FMN1: variants seen among roughly 807,000 people sequenced by gnomAD.
The protein encoded by FMN1 is formin-1.
In FMN1, 110 loss-of-function variants were observed where a neutral mutation model predicts 132.4. That is an observed-to-expected ratio of 0.83 (90% CI 0.71 to 0.97). The LOEUF (loss-of-function observed/expected upper bound fraction) is 0.97. Among genes scored for constraint, FMN1 ranks in the 50% least tolerant of loss-of-function variants. FMN1 has a pLI of 0.00. For synonymous variants in FMN1, 722 were observed against 651.7 expected (o/e 1.11, Z -1.64); for missense variants, 1,792 against 1,705.3 (o/e 1.05, Z -0.90).
intron 5 of FMN1, among the ~76,000 whole-genome samples, chr15:33,087,949 T>A (rs1001900509): frequency 1.3e-5 from 2 of 152,116 alleles, no homozygotes; most frequent in Non-Finnish European, 2.9e-5. Context: ...CTAAGTAAAG[T>A]AACTCAGGAA....
chr15:32,983,937 T>C (rs2140795725), intron 7 of FMN1, among the ~76,000 whole-genome samples: 1 of 152,282 alleles, frequency 6.6e-6, no homozygotes, highest in East Asian at 1.9e-4. Flanking sequence ...TGCAGCTACG[T>C]GGGAACATGG....
chr15:33,126,755 G>A (rs915873346), intron 4 of FMN1, among the ~76,000 whole-genome samples: 2 of 151,868 alleles, frequency 1.3e-5, no homozygotes, highest in African/African-American at 4.8e-5. Context: ...CGGGAAAGGA[G>A]GGAAGACAGA....
intron 16 of FMN1, among the ~76,000 whole-genome samples, chr15:32,867,726 C>T (rs1336040176): frequency 6.6e-6 from 1 of 152,164 alleles, no homozygotes; most frequent in Admixed American, 6.5e-5. Flanking sequence ...CTCCTGACCT[C>T]GTGATCTGCC....
chr15:32,958,126 T>C (rs1255096975), intron 9 of FMN1, among the ~76,000 whole-genome samples: 1 of 152,188 alleles, frequency 6.6e-6, no homozygotes, highest in Non-Finnish European at 1.5e-5. Flanking sequence ...AGAAAGCACA[T>C]CTTTTTACTC....
At chr15:33,068,131 G>C in intron 5 of FMN1, 5 of 867,456 alleles carry the variant, frequency 5.8e-6, no homozygotes, top group Non-Finnish European at 8.0e-6. Flanking sequence ...AAGCAGCCGA[G>C]GCTGCGCACC....
intron 9 of FMN1, among the ~76,000 whole-genome samples, chr15:32,962,811 T>C (rs1295247704): frequency 6.6e-6 from 1 of 151,716 alleles, no homozygotes; most frequent in Non-Finnish European, 1.5e-5. Flanking sequence ...TCAAACCAGT[T>C]AGAATGGCAA....
intron 16 of FMN1, among the ~76,000 whole-genome samples, chr15:32,863,312 C>T (rs1391197797): frequency 6.6e-6 from 1 of 152,166 alleles, no homozygotes; most frequent in Non-Finnish European, 1.5e-5. Flanking sequence ...TGGCGGGCAC[C>T]TGTAGTCCCA....
intron 4 of FMN1, among the ~76,000 whole-genome samples, chr15:33,121,553 A>C (rs1410367585): frequency 1.3e-5 from 2 of 152,090 alleles, no homozygotes; most frequent in Non-Finnish European, 2.9e-5. Context: ...TGTTTTTTAG[A>C]TAGTCTTGCT....
chr15:33,051,901 C>A (rs928507427), intron 6 of FMN1, among the ~76,000 whole-genome samples: 5 of 152,188 alleles, frequency 3.3e-5, no homozygotes, highest in Non-Finnish European at 4.4e-5. Flanking sequence ...TCTCAAGTAA[C>A]CCACTTGGCC....
chr15:33,044,056 C>G (rs968602765), intron 6 of FMN1, among the ~76,000 whole-genome samples: 1 of 152,240 alleles, frequency 6.6e-6, no homozygotes, highest in Non-Finnish European at 1.5e-5. Flanking sequence ...ACAGTTGAGA[C>G]CAAGCCCAGG....
chr15:32,876,990 A>G (rs757686708), intron 16 of FMN1, among the ~76,000 whole-genome samples: 25 of 152,238 alleles, frequency 1.6e-4, no homozygotes, highest in Non-Finnish European at 3.5e-4. Flanking sequence ...TGCTCTATAA[A>G]GACAGATGGT....
chr15:33,028,585 T>C (rs2035790638), intron 6 of FMN1, among the ~76,000 whole-genome samples: 2 of 152,214 alleles, frequency 1.3e-5, no homozygotes, highest in South Asian at 4.1e-4. Context: ...CTTTTGGAAA[T>C]CCCACTTTAC....
At chr15:32,955,420 T>A (rs2061743103) in intron 9 of FMN1, among the ~76,000 whole-genome samples, 1 of 152,170 alleles carries the variant, frequency 6.6e-6, no homozygotes, top group Non-Finnish European at 1.5e-5. Context: ...GAAGTATACA[T>A]ATATGATCTT....
At chr15:32,900,988 T>C (rs932979049) in intron 13 of FMN1, among the ~76,000 whole-genome samples, 1 of 152,072 alleles carries the variant, frequency 6.6e-6, no homozygotes. Flanking sequence ...ACCCCATCTC[T>C]ACTAAAAATA....
At chr15:32,915,141 G>GT (rs1222241106) in intron 10 of FMN1, among the ~76,000 whole-genome samples, 1 of 152,142 alleles carries the variant, frequency 6.6e-6, no homozygotes, top group African/African-American at 2.4e-5. Flanking sequence ...GAAGGTTAGG[G>GT]TATCAGCCAG....
At chr15:33,048,067 T>C (rs2036772644) in intron 6 of FMN1, among the ~76,000 whole-genome samples, 1 of 152,204 alleles carries the variant, frequency 6.6e-6, no homozygotes, top group Admixed American at 6.6e-5. Context: ...TTAGTTCCTG[T>C]AGCTTTGGTA....
At chr15:33,106,451 T>C (rs775862571) in intron 4 of FMN1, among the ~76,000 whole-genome samples, 2 of 152,092 alleles carry the variant, frequency 1.3e-5, no homozygotes, top group Admixed American at 1.3e-4. Context: ...TATTAGCTTT[T>C]AGAGGAATTT....
rs184127547 is a variant in FMN1, at chr15:33,059,571, A to C, written c.2161+5386T>G. Among the ~76,000 whole-genome samples the C allele has an allele frequency of 9.4e-3, 1,423 of 151,980 alleles. 4 individuals carry two copies. The highest frequency in any genetic ancestry group is 0.015 in the Non-Finnish European group (1,002 of 68,030). On this transcript the variant is annotated intron_variant, in intron 6 of 20. Coordinates refer to ENST00000616417, the MANE Select transcript of FMN1 (RefSeq NM_001277313.2). ...GATCTTTAGATACTGGTACATTGGC[A>C]AAAAGATTTAAAAAAATTTTAATCC...
chr15:33,165,130 A>C (rs567452165), intron 3 of FMN1, among the ~76,000 whole-genome samples: 1 of 152,352 alleles, frequency 6.6e-6, no homozygotes, highest in Non-Finnish European at 1.5e-5. Flanking sequence ...CTTTACCAAC[A>C]ATGGTGACAG....
Sources: allele counts gnomAD v4.1 joint callset (sites outside exome capture counted in the v4.1 genomes callset), GRCh38; gene constraint gnomAD v4.1.1; transcripts MANE v1.5; gene names NCBI Gene and HGNC (gene_info 2026-07-23, HGNC 2026-07-21).